KIF18A: variants seen among roughly 807,000 people sequenced by gnomAD.
The protein encoded by KIF18A is kinesin-like protein KIF18A.
KIF18A carries 67 observed loss-of-function variants against 103.3 expected under a neutral mutation model. That is an observed-to-expected ratio of 0.65 (90% CI 0.53 to 0.79). KIF18A has a LOEUF of 0.79. KIF18A is among the 30% of genes least tolerant of loss of function. The pLI, the probability that KIF18A is intolerant of heterozygous loss-of-function variation, is 0.00. For synonymous variants in KIF18A, 367 were observed against 355.5 expected (o/e 1.03, Z -0.36); for missense variants, 1,032 against 1,062.5 (o/e 0.97, Z 0.40).
At chr11:28,106,245 T>G (rs1184083633) in intron 1 of KIF18A, among the ~76,000 whole-genome samples, 1 of 152,136 alleles carries the variant, frequency 6.6e-6, no homozygotes, top group Non-Finnish European at 1.5e-5. Context: ...AACAGCTAGG[T>G]TCTACTGGAA....
chr11:28,041,214 ATAAAT>A (rs1850555252), intron 13 of KIF18A, among the ~76,000 whole-genome samples: 1 of 151,860 alleles, frequency 6.6e-6, no homozygotes, highest in South Asian at 2.1e-4. Context: ...AACAAATAAA[ATAAAT>A]TAGGATGATA....
At chr11:28,090,051 T>C (rs1034641593) in intron 5 of KIF18A, among the ~76,000 whole-genome samples, 43 of 152,298 alleles carry the variant, frequency 2.8e-4, no homozygotes, top group African/African-American at 9.9e-4. Context: ...TCTTATAAGA[T>C]GTATCTCAGA....
intron 13 of KIF18A, 43 bp from the exon 14 acceptor site, chr11:28,036,707 GT>G: frequency 8.0e-7 from 1 of 1,257,160 alleles, no homozygotes; most frequent in Non-Finnish European, 1.1e-6. Flanking sequence ...ATGTTTCCTA[GT>G]TTTTTAAATA....
intron 9 of KIF18A, among the ~76,000 whole-genome samples, chr11:28,081,692 T>C (rs1187358689): frequency 6.6e-6 from 1 of 152,202 alleles, no homozygotes; most frequent in Non-Finnish European, 1.5e-5. Flanking sequence ...AGTCTGCAGC[T>C]CATGGATCAT....
chr11:28,091,746 C>A (rs1390541291), intron 3 of KIF18A, among the ~76,000 whole-genome samples: 1 of 152,200 alleles, frequency 6.6e-6, no homozygotes, highest in Non-Finnish European at 1.5e-5. Context: ...TTGGAGTCAT[C>A]CCCTCACTCA....
At chr11:28,066,899 G>A (rs971679557) in intron 11 of KIF18A, among the ~76,000 whole-genome samples, 1 of 151,006 alleles carries the variant, frequency 6.6e-6, no homozygotes, top group African/African-American at 2.4e-5. Context: ...GGATATTGAT[G>A]TCTATGCTAT....
At chr11:28,090,292 A>C (rs1353189196) in intron 5 of KIF18A, among the ~76,000 whole-genome samples, 11 of 152,204 alleles carry the variant, frequency 7.2e-5, no homozygotes, top group Non-Finnish European at 1.5e-5. Context: ...TAGTTCTACA[A>C]GTCTAGATTT....
intron 15 of KIF18A, among the ~76,000 whole-genome samples, chr11:28,025,476 T>G (rs1850305053): frequency 6.6e-6 from 1 of 152,024 alleles, no homozygotes; most frequent in Admixed American, 6.6e-5. Flanking sequence ...CATAGTACGA[T>G]TATGCATTAT....
At chr11:28,034,058 C>T (rs997848425) in intron 15 of KIF18A, among the ~76,000 whole-genome samples, 1 of 151,648 alleles carries the variant, frequency 6.6e-6, no homozygotes, top group Non-Finnish European at 1.5e-5. Flanking sequence ...ATGTAATCTG[C>T]TGAATTGATT....
At chr11:28,065,998 A>G (rs1241988063) in intron 11 of KIF18A, among the ~76,000 whole-genome samples, 1 of 152,060 alleles carries the variant, frequency 6.6e-6, no homozygotes, top group African/African-American at 2.4e-5. Context: ...AATTGTTTCA[A>G]GACTCTTCTT....
At chr11:28,021,413 A>G in intron 16 of KIF18A, 131 bp from the exon 17 acceptor site, 2 of 774,944 alleles carry the variant, frequency 2.6e-6, no homozygotes. Flanking sequence ...GTTAGTTAAC[A>G]TAATTTAAAA....
At chr11:28,096,698 C>T (rs933044246) in intron 2 of KIF18A, among the ~76,000 whole-genome samples, 43 of 152,204 alleles carry the variant, frequency 2.8e-4, no homozygotes, top group African/African-American at 9.9e-4. Flanking sequence ...GGTATGTCTT[C>T]CATGATAAAA....
At chr11:28,094,527 A>C (rs1437478779) in intron 3 of KIF18A, 116 bp downstream of exon 3, 1 of 829,914 alleles carries the variant, frequency 1.2e-6, no homozygotes, top group Non-Finnish European at 1.9e-6. Flanking sequence ...TATTCAAGAC[A>C]AGGAATTTTA....
chr11:28,055,138 T>C (rs117596282), intron 13 of KIF18A, among the ~76,000 whole-genome samples: 5,061 of 152,252 alleles, frequency 0.033, 129 homozygotes, highest in Non-Finnish European at 0.047. Context: ...TCTAATGCTT[T>C]ATTAAAAGAA....
intron 9 of KIF18A, among the ~76,000 whole-genome samples, chr11:28,082,450 G>C (rs568824158): frequency 6.6e-6 from 1 of 152,236 alleles, no homozygotes; most frequent in African/African-American, 2.4e-5. Context: ...CCAGCAAAAA[G>C]ATTATGACTT....
intron 10 of KIF18A, among the ~76,000 whole-genome samples, chr11:28,069,994 C>A (rs1850991666): frequency 1.3e-5 from 2 of 152,100 alleles, no homozygotes; most frequent in African/African-American, 4.8e-5. Flanking sequence ...TGGTGTTTTA[C>A]CTAGGCACAA....
At chr11:28,066,643 A>G (rs918988673) in intron 11 of KIF18A, among the ~76,000 whole-genome samples, 3 of 151,676 alleles carry the variant, frequency 2.0e-5, no homozygotes, top group East Asian at 3.9e-4. Flanking sequence ...AGGAAACCCA[A>G]TGACTTAGGA....
intron 15 of KIF18A, among the ~76,000 whole-genome samples, chr11:28,031,803 C>G (rs1850413773): frequency 6.6e-6 from 1 of 151,858 alleles, no homozygotes; most frequent in Non-Finnish European, 1.5e-5. Flanking sequence ...ATTCTTTTCT[C>G]TAAGTTGTGG....
intron 16 of KIF18A, among the ~76,000 whole-genome samples, chr11:28,022,567 A>C (rs1850261277): frequency 6.6e-6 from 1 of 152,108 alleles, no homozygotes; most frequent in Non-Finnish European, 1.5e-5. Flanking sequence ...GCGCCCGGCC[A>C]ATTTGAGAGT....
Sources: allele counts gnomAD v4.1 joint callset (sites outside exome capture counted in the v4.1 genomes callset), GRCh38; gene constraint gnomAD v4.1.1; transcripts MANE v1.5; gene names NCBI Gene and HGNC (gene_info 2026-07-23, HGNC 2026-07-21).